The following SGMS1 variants were observed in gnomAD, a reference collection of about 807,000 sequenced individuals.
The protein encoded by SGMS1 is sphingomyelin synthase 1.
Under a neutral mutation model 46.2 loss-of-function variants are expected in SGMS1, and 13 were observed. That is an observed-to-expected ratio of 0.28 (90% CI 0.18 to 0.45). SGMS1 has a LOEUF of 0.45. Ranked by LOEUF, SGMS1 falls within the 20% of genes least tolerant of loss-of-function variation. The probability of loss-of-function intolerance (pLI) is 1.00; values close to 1 mark genes in which losing one functional copy is unlikely to be tolerated. For synonymous variants in SGMS1, 203 were observed against 187.8 expected (o/e 1.08, Z -0.66); for missense variants, 324 against 519.9 (o/e 0.62, Z 3.66).
chr10:50,497,826 AG>A (rs1215326761), intron 3 of SGMS1, among the ~76,000 whole-genome samples: 1 of 152,140 alleles, frequency 6.6e-6, no homozygotes, highest in Non-Finnish European at 1.5e-5. Flanking sequence ...TTCAGTTGAC[AG>A]GTCAGACCAG....
intron 1 of SGMS1, among the ~76,000 whole-genome samples, chr10:50,616,356 A>C (rs577051312): frequency 5.9e-5 from 9 of 152,212 alleles, no homozygotes; most frequent in South Asian, 4.1e-4. Context: ...GACTGGCCTC[A>C]AACTTCTGGG....
At chr10:50,438,893 A>G (rs1588825479) in intron 5 of SGMS1, among the ~76,000 whole-genome samples, 1 of 152,220 alleles carries the variant, frequency 6.6e-6, no homozygotes, top group African/African-American at 2.4e-5. Context: ...GGAAATAGCA[A>G]TCGTATAAAT....
At chr10:50,492,979 C>T (rs984444938) in intron 3 of SGMS1, among the ~76,000 whole-genome samples, 1 of 152,192 alleles carries the variant, frequency 6.6e-6, no homozygotes, top group Non-Finnish European at 1.5e-5. Flanking sequence ...CTTAACCTCA[C>T]TTTACCTGTA....
intron 7 of SGMS1, among the ~76,000 whole-genome samples, chr10:50,333,393 T>C (rs1847658630): frequency 6.6e-6 from 1 of 152,244 alleles, no homozygotes. Flanking sequence ...AGAGTTACTC[T>C]GCCCTGATGC....
intron 6 of SGMS1, among the ~76,000 whole-genome samples, chr10:50,408,712 T>A (rs1849057199): frequency 6.6e-6 from 1 of 151,656 alleles, no homozygotes; most frequent in Non-Finnish European, 1.5e-5. Flanking sequence ...TGGTGGTGCA[T>A]GCCTGTAGTC....
At chr10:50,599,698 A>G (rs575932593) in intron 1 of SGMS1, among the ~76,000 whole-genome samples, 4 of 152,270 alleles carry the variant, frequency 2.6e-5, no homozygotes, top group African/African-American at 9.6e-5. Flanking sequence ...CCCCGTCTCT[A>G]TTAAAAATAC....
At chr10:50,393,355 G>A (rs1020722059) in intron 6 of SGMS1, among the ~76,000 whole-genome samples, 1 of 152,022 alleles carries the variant, frequency 6.6e-6, no homozygotes, top group Non-Finnish European at 1.5e-5. Context: ...AGAAGAGAAA[G>A]GAAAGGCAAA....
intron 3 of SGMS1, among the ~76,000 whole-genome samples, chr10:50,477,877 A>G (rs1045872072): frequency 6.6e-6 from 1 of 152,204 alleles, no homozygotes; most frequent in African/African-American, 2.4e-5. Context: ...AGAAGCCTGT[A>G]CATCCAACAA....
At chr10:50,556,629 G>A (rs200394765) in intron 2 of SGMS1, among the ~76,000 whole-genome samples, 2 of 152,204 alleles carry the variant, frequency 1.3e-5, no homozygotes, top group East Asian at 1.9e-4. Context: ...GAGAGACCCC[G>A]TAGGCCCGCA....
At chr10:50,457,817 A>T (rs900518594) in intron 5 of SGMS1, among the ~76,000 whole-genome samples, 1 of 152,224 alleles carries the variant, frequency 6.6e-6, no homozygotes, top group Non-Finnish European at 1.5e-5. Context: ...TTAAAAGCAG[A>T]AAGAAATTTT....
At chr10:50,442,510 A>G (rs1358977960) in intron 5 of SGMS1, among the ~76,000 whole-genome samples, 1 of 152,184 alleles carries the variant, frequency 6.6e-6, no homozygotes, top group East Asian at 1.9e-4. Flanking sequence ...CCTGGAAAGG[A>G]CATGATCCTG....
chr10:50,511,831 G>A (rs1338308913), intron 3 of SGMS1, among the ~76,000 whole-genome samples: 1 of 152,048 alleles, frequency 6.6e-6, no homozygotes, highest in East Asian at 1.9e-4. Context: ...ATTCTTCAAG[G>A]TAAACTGCCC....
At chr10:50,568,328 G>T (rs1431439431) in intron 2 of SGMS1, among the ~76,000 whole-genome samples, 1 of 152,176 alleles carries the variant, frequency 6.6e-6, no homozygotes, top group African/African-American at 2.4e-5. Context: ...TGAATGCTTG[G>T]ATGAAGGAAG....
chr10:50,580,085 G>T (rs1381879950), intron 2 of SGMS1, among the ~76,000 whole-genome samples: 1 of 152,176 alleles, frequency 6.6e-6, no homozygotes, highest in Non-Finnish European at 1.5e-5. Context: ...AACACAATTT[G>T]TGTGTGTGCA....
At position 50,319,534 on chromosome 10, in the gene SGMS1, G is replaced by A. The variant is rs145033489; in HGVS notation, c.741+7671C>T. Among the ~76,000 whole-genome samples the A allele has an allele frequency of 8.9e-3, 1,360 of 152,246 alleles. 22 individuals are homozygous for A. The highest frequency in any genetic ancestry group is 0.031 in the African/African-American group (1,302 of 41,534). ...GTTCCAATCAGAGAATACACATTGAGGTTACTTATCATGCCCTGATTTCTT... is the reference window on the plus strand; with the variant it reads ...GTTCCAATCAGAGAATACACATTGAAGTTACTTATCATGCCCTGATTTCTT... On this transcript the variant is annotated intron_variant, in intron 8 of 10. Transcript: ENST00000361781.
intron 6 of SGMS1, among the ~76,000 whole-genome samples, chr10:50,388,616 G>C (rs1848719335): frequency 6.6e-6 from 1 of 151,608 alleles, no homozygotes; most frequent in Non-Finnish European, 1.5e-5. Context: ...GTCTCAAAAA[G>C]AAATAAAACA....
At chr10:50,368,244 C>T (rs1037614572) in intron 6 of SGMS1, among the ~76,000 whole-genome samples, 1 of 152,208 alleles carries the variant, frequency 6.6e-6, no homozygotes, top group Non-Finnish European at 1.5e-5. Flanking sequence ...ATCTAGGACA[C>T]TTCAAAGAAA....
intron 2 of SGMS1, among the ~76,000 whole-genome samples, chr10:50,583,752 T>TA (rs1838455940): frequency 1.3e-5 from 2 of 152,228 alleles, no homozygotes; most frequent in Non-Finnish European, 2.9e-5. Context: ...ATGAGTTTTC[T>TA]GTCACTTGCA....
At chr10:50,477,901 T>C (rs1158496961) in intron 3 of SGMS1, among the ~76,000 whole-genome samples, 4 of 152,182 alleles carry the variant, frequency 2.6e-5, no homozygotes, top group Non-Finnish European at 5.9e-5. Flanking sequence ...TGTGAGCTGA[T>C]TAAACCTCTT....
Sources: gnomAD v4.1 joint callset for allele counts (sites outside exome capture counted in the v4.1 genomes callset) on GRCh38, gnomAD v4.1.1 for gene constraint, MANE v1.5 for transcripts, NCBI Gene and HGNC (gene_info 2026-07-23, HGNC 2026-07-21) for gene names.